The following RPGRIP1L variants were observed in gnomAD, a reference collection of about 807,000 sequenced individuals.
The protein encoded by RPGRIP1L is protein fantom.
A neutral mutation model predicts 160.4 loss-of-function variants in RPGRIP1L; 131 were observed. The ratio of observed to expected loss-of-function variants is 0.82; its 90% CI spans 0.71 to 0.94. RPGRIP1L has a LOEUF of 0.94. Among genes scored for constraint, RPGRIP1L ranks in the 40% least tolerant of loss-of-function variants. The probability of loss-of-function intolerance (pLI) is 0.00; values close to 1 mark genes in which losing one functional copy is unlikely to be tolerated. For missense variants in RPGRIP1L, 1,522 were observed against 1,535.8 expected (o/e 0.99, Z 0.15); for synonymous variants, 510 against 515.8 (o/e 0.99, Z 0.15).
chr16:53,607,430 TTAAG>T (rs1411171979), intron 25 of RPGRIP1L, among the ~76,000 whole-genome samples: 1 of 152,160 alleles, frequency 6.6e-6, no homozygotes, highest in Non-Finnish European at 1.5e-5. Context: ...TATCATTCAA[TTAAG>T]TAAGAGGAAT....
chr16:53,679,432 C>T (rs893402954), intron 6 of RPGRIP1L, among the ~76,000 whole-genome samples: 3 of 151,576 alleles, frequency 2.0e-5, no homozygotes, highest in African/African-American at 7.3e-5. Flanking sequence ...GATGGAGTCT[C>T]ACTCTGTCAC....
intron 26 of RPGRIP1L, among the ~76,000 whole-genome samples, 167 bp from the exon 27 acceptor site, chr16:53,602,355 A>T (rs1272162645): frequency 6.6e-6 from 1 of 152,188 alleles, no homozygotes; most frequent in African/African-American, 2.4e-5. Flanking sequence ...GTGTGCATGG[A>T]GATGTGCATT....
chr16:53,605,054 G>C (rs1567788278), intron 26 of RPGRIP1L, among the ~76,000 whole-genome samples: 1 of 151,950 alleles, frequency 6.6e-6, no homozygotes, highest in Non-Finnish European at 1.5e-5. Flanking sequence ...GGTGATGCAC[G>C]CCTGTAGTCC....
chr16:53,621,166 T>C (rs1223936310), intron 23 of RPGRIP1L, among the ~76,000 whole-genome samples: 1 of 152,172 alleles, frequency 6.6e-6, no homozygotes, highest in Non-Finnish European at 1.5e-5. Context: ...ATTTTATTAA[T>C]AATATATTAG....
chr16:53,642,742 C>A (rs556994509), intron 17 of RPGRIP1L, among the ~76,000 whole-genome samples: 3 of 152,178 alleles, frequency 2.0e-5, no homozygotes, highest in Non-Finnish European at 4.4e-5. Context: ...TCCCCCACTC[C>A]CATTTTGGAG....
chr16:53,632,088 T>C (rs1434291179), intron 22 of RPGRIP1L, among the ~76,000 whole-genome samples: 1 of 152,050 alleles, frequency 6.6e-6, no homozygotes, highest in Non-Finnish European at 1.5e-5. Context: ...ATCACAGACA[T>C]GAAGAAAAGA....
chr16:53,647,888 G>A (rs113764903), intron 16 of RPGRIP1L, among the ~76,000 whole-genome samples: 7,761 of 151,908 alleles, frequency 0.051, 396 homozygotes, highest in East Asian at 0.3. Flanking sequence ...GGTGGATCAC[G>A]AGGTCAGGAG....
At chr16:53,666,870 A>G (rs947991898) in intron 9 of RPGRIP1L, among the ~76,000 whole-genome samples, 14 of 152,166 alleles carry the variant, frequency 9.2e-5, no homozygotes, top group African/African-American at 3.4e-4. Flanking sequence ...AGTGTAAATC[A>G]GCATAAGTCA....
chr16:53,607,306 A>G (rs976454884), intron 25 of RPGRIP1L, among the ~76,000 whole-genome samples: 1 of 152,208 alleles, frequency 6.6e-6, no homozygotes, highest in African/African-American at 2.4e-5. Context: ...AGTATTTTTA[A>G]TATAGATAGA....
chr16:53,602,024 T>G lies in RPGRIP1L; in HGVS notation c.*52A>C. The G allele has an allele frequency of 2.8e-6, 3 of 1,069,306 alleles. No homozygotes were observed. The South Asian group carries it at 3.8e-5, about 14-fold the overall frequency. 66.2% of individuals were successfully genotyped at this position (1,069,306 alleles called of 1,614,324 possible). A position where few individuals can be genotyped will look rare whatever the true frequency, so the allele number is the denominator to read the frequency against. On this transcript the variant is annotated 3_prime_UTR_variant, in exon 27 of 27. Coordinates refer to ENST00000647211, the MANE Select transcript of RPGRIP1L (RefSeq NM_015272.5). ...AATTACAAAAATCTCATGTAGGAAC[T>G]TTCATGTGAGCATTTACTGAGGAGT...
chr16:53,611,312 C>A (rs1158655641), intron 24 of RPGRIP1L, among the ~76,000 whole-genome samples: 2 of 152,228 alleles, frequency 1.3e-5, no homozygotes, highest in Non-Finnish European at 2.9e-5. Context: ...ACATCACCGT[C>A]ACTGCCTGTT....
In RPGRIP1L at chr16:53,652,534, CCAAT is replaced by C. The variant is rs763685772; in HGVS notation, c.2149_2152del (p.Ile717GlufsTer18). On this transcript the variant is annotated frameshift_variant and splice_region_variant, in exon 15 of 27. Transcript: ENST00000647211. LOFTEE classifies it high-confidence loss of function. ...ACCCAAGGCTTATACATTGTACTTA[CCAAT>C]CAAACTTGCTGTACAAAATATTCGG... 6.2e-7 allele frequency: 1 copy of C among 1,610,088 alleles called. No individual in the cohort carries two copies. Among genetic ancestry groups the C allele is most frequent in the Non-Finnish European group, 8.5e-7 (1 of 1,176,520 alleles).
intron 22 of RPGRIP1L, among the ~76,000 whole-genome samples, chr16:53,635,046 C>T (rs559506227): frequency 5.3e-5 from 8 of 151,754 alleles, no homozygotes; most frequent in African/African-American, 1.5e-4. Flanking sequence ...CAGGCTGTAG[C>T]AAAGTAAGAC....
rs146544075 is a variant in RPGRIP1L, at chr16:53,702,995, G to A, written c.-8+808C>T. On this transcript the variant is annotated intron_variant, in intron 1 of 26. Transcript: ENST00000647211. ...ATATTTATTGAATGATTGGCTGTGC[G>A]TGGTGGCTCACACCTGTAATCCCAG... Among the ~76,000 whole-genome samples the A allele has an allele frequency of 9.1e-3, 1,391 of 152,330 alleles. 7 individuals are homozygous for A. Among genetic ancestry groups the A allele is most frequent in the Non-Finnish European group, 0.015 (1,047 of 68,034 alleles).
At chr16:53,660,127 C>T (rs1967648512) in intron 10 of RPGRIP1L, among the ~76,000 whole-genome samples, 1 of 152,052 alleles carries the variant, frequency 6.6e-6, no homozygotes, top group Non-Finnish European at 1.5e-5. Context: ...TAATAGCTAG[C>T]GAACAAATCC....
chr16:53,622,533 A>G (rs982162271), intron 22 of RPGRIP1L, among the ~76,000 whole-genome samples, 177 bp from the exon 23 acceptor site: 1 of 151,936 alleles, frequency 6.6e-6, no homozygotes, highest in Admixed American at 6.6e-5. Context: ...AGTCCCCTAC[A>G]ACCAGAAGAC....
rs759986075 is a variant in RPGRIP1L, at chr16:53,638,402, GAGA to G, written c.2965_2967del (p.Ser989del). 6.5e-7 allele frequency: 1 copy of G among 1,535,502 alleles called. No homozygotes were observed. Among genetic ancestry groups the G allele is most frequent in the Non-Finnish European group, 9.0e-7 (1 of 1,109,146 alleles). On this transcript the variant is annotated inframe_deletion, in exon 20 of 27. Transcript: ENST00000647211. ...ATTTCCTTCCTATCTTCAGGAGGAGGAGAAGTCTCCTTATATTAATGTGAAAAC... is the reference window on the plus strand; with the variant it reads ...ATTTCCTTCCTATCTTCAGGAGGAGGAGTCTCCTTATATTAATGTGAAAAC...
At chr16:53,604,525 C>A (rs544639017) in intron 26 of RPGRIP1L, among the ~76,000 whole-genome samples, 1 of 152,168 alleles carries the variant, frequency 6.6e-6, no homozygotes, top group Admixed American at 6.5e-5. Flanking sequence ...ATTAATAAAA[C>A]AATTTAGCAC....
chr16:53,615,718 C>T (rs1964335045), intron 24 of RPGRIP1L, among the ~76,000 whole-genome samples: 1 of 151,904 alleles, frequency 6.6e-6, no homozygotes, highest in Non-Finnish European at 1.5e-5. Flanking sequence ...CCCACCTCCG[C>T]CTCCCAAAGT....
Sources: allele counts gnomAD v4.1 joint callset (sites outside exome capture counted in the v4.1 genomes callset), GRCh38; gene constraint gnomAD v4.1.1; transcripts MANE v1.5; gene names NCBI Gene and HGNC (gene_info 2026-07-23, HGNC 2026-07-21).